Variants in NFATC1 observed in about 807,000 individuals in gnomAD.
The protein encoded by NFATC1 is nuclear factor of activated T cells 1.
In NFATC1, 22 loss-of-function variants were observed where a neutral mutation model predicts 76.0. That is an observed-to-expected ratio of 0.29 (90% CI 0.21 to 0.41). The LOEUF is 0.41. NFATC1 is among the 10% of genes least tolerant of loss of function. The pLI, the probability that NFATC1 is intolerant of heterozygous loss-of-function variation, is 1.00. For missense variants in NFATC1, 1,357 were observed against 1,337.7 expected (o/e 1.01, Z -0.23); for synonymous variants, 704 against 613.1 (o/e 1.15, Z -2.19).
chr18:79,459,329 G>A lies in NFATC1; in HGVS notation c.1904-1982G>A, dbSNP rs377452421. On this transcript the variant is annotated intron_variant, in intron 6 of 9. Transcript: ENST00000427363. Reference sequence around the variant, plus strand: ...GGGTGGGAAAAGACGCCTCCATGCCGTCGTTCCATTTGCTTTTCATGGACT... The same window carrying A: ...GGGTGGGAAAAGACGCCTCCATGCCATCGTTCCATTTGCTTTTCATGGACT... Among the ~76,000 whole-genome samples the A allele has an allele frequency of 4.6e-4, 70 of 152,334 alleles. 1 individual carries two copies. In the East Asian group the frequency reaches 0.012, roughly 27 times the overall value.
chr18:79,404,275 C>T (rs576412322), intron 1 of NFATC1, among the ~76,000 whole-genome samples: 18 of 152,276 alleles, frequency 1.2e-4, no homozygotes, highest in African/African-American at 3.6e-4. Flanking sequence ...CATTAAATAC[C>T]GTTTGTTTGC....
At chr18:79,498,539 T>C (rs2089948841) in intron 9 of NFATC1, among the ~76,000 whole-genome samples, 1 of 152,182 alleles carries the variant, frequency 6.6e-6, no homozygotes, top group South Asian at 2.1e-4. Flanking sequence ...CCTCAGAGCA[T>C]GTGAGATGCT....
intron 8 of NFATC1, among the ~76,000 whole-genome samples, chr18:79,479,209 T>C (rs2089187337): frequency 1.3e-5 from 2 of 152,268 alleles, no homozygotes; most frequent in Non-Finnish European, 2.9e-5. Context: ...AGCTGCCCTT[T>C]TTCTGAGCCC....
intron 3 of NFATC1, among the ~76,000 whole-genome samples, chr18:79,445,569 A>G (rs1181100890): frequency 6.6e-6 from 1 of 152,214 alleles, no homozygotes. Context: ...CAGCGTGGCA[A>G]TCTCTCAAAT....
In NFATC1 at chr18:79,486,787, C is replaced by T; in HGVS notation, c.2632C>T (p.Leu878=). The T allele has an allele frequency of 6.2e-7, 1 of 1,609,534 alleles. No homozygotes were observed. Among genetic ancestry groups the T allele is most frequent in the Non-Finnish European group, 8.5e-7 (1 of 1,178,438 alleles). ...CPPATGRPQH[L]PSTVRRDESP... ...GCCCGCCACGGGCCGCCCGCAGCAC[C>T]TGCCGTCCACGGTCCGCAGGGACGA... The change falls in exon 9 of 10, where the codon CTG becomes TTG. Residue 878 remains leucine (L), a synonymous_variant. Transcript: ENST00000427363.
intron 8 of NFATC1, 83 bp from the exon 9 acceptor site, chr18:79,486,165 C>T (rs922676574): frequency 2.2e-5 from 29 of 1,321,828 alleles, no homozygotes; most frequent in Admixed American, 6.0e-5. Flanking sequence ...GTTGGTTTTG[C>T]GGAGGGTGCC....
rs375837578 is a variant in NFATC1, at chr18:79,410,047, G to A, written c.128-356G>A. 6.2e-5 allele frequency: 38 copies of A among 614,166 alleles called. No individual in the cohort carries two copies. The highest frequency in any genetic ancestry group is 5.5e-4 in the Middle Eastern group (2 of 3,668). 38.0% of individuals were successfully genotyped at this position (614,166 alleles called of 1,614,324 possible). A position where few individuals can be genotyped will look rare whatever the true frequency, so the allele number is the denominator to read the frequency against. On this transcript the variant is annotated intron_variant, in intron 1 of 9. Transcript: ENST00000427363. The surrounding 1 kb of genome is among the most constrained non-coding windows in gnomAD (Gnocchi z 6.7). ...CCAGTCGCCTCTCTCTGGGAAGGAC[G>A]TTCGGATGAAGATGGGGTGGTTGGG...
At position 79,411,126 on chromosome 18, in the gene NFATC1, C is replaced by T. The variant is rs776714980; in HGVS notation, c.851C>T (p.Thr284Met). ...QPPYSPHHSPTPSPHGSPRVS... is the reference protein window; with the variant it reads ...QPPYSPHHSPMPSPHGSPRVS... The stretch of plus-strand genomic sequence containing the variant: ...CCCTACTCACCCCACCACTCGCCCA[C>T]GCCGTCCCCGCACGGCTCCCCGCGG... Residue 284 changes from threonine (T) to methionine (M), a missense_variant, in exon 2 of 10, where the codon ACG becomes ATG. Transcript: ENST00000427363. 4.6e-5 allele frequency: 74 copies of T among 1,612,186 alleles called. No individual in the cohort carries two copies. Among genetic ancestry groups the T allele is most frequent in the Non-Finnish European group, 5.6e-5 (66 of 1,179,740 alleles).
Position 79,437,165 on chromosome 18 carries a change from C to T in NFATC1, c.1386+3427C>T, listed in dbSNP as rs116011883. Among the ~76,000 whole-genome samples, 676 of 152,292 alleles carry T rather than the reference C, an allele frequency of 4.4e-3. 5 individuals are homozygous for T. Among genetic ancestry groups the T allele is most frequent in the African/African-American group, 0.015 (642 of 41,562 alleles). On this transcript the variant is annotated intron_variant, in intron 3 of 9. Transcript: ENST00000427363. ...GGGACCTCGGCCATGGTGATGGGTG[C>T]GCCCCCTCTGCAGGGTGGGGCCTGC... is the stretch of plus-strand genomic sequence containing the variant.
intron 9 of NFATC1, among the ~76,000 whole-genome samples, chr18:79,505,815 C>G (rs1222169863): frequency 1.2e-4 from 12 of 103,192 alleles, no homozygotes; most frequent in South Asian, 3.3e-4. Flanking sequence ...GGAGGTGGTG[C>G]TGGAGGCCCT....
chr18:79,437,774 G>T (rs952657170), intron 3 of NFATC1, among the ~76,000 whole-genome samples: 2 of 152,234 alleles, frequency 1.3e-5, no homozygotes, highest in African/African-American at 4.8e-5. Flanking sequence ...GGCCTGCTCT[G>T]CTCTCAACGG....
At chr18:79,400,778 C>G (rs1379982748) in intron 1 of NFATC1, among the ~76,000 whole-genome samples, 2 of 136,024 alleles carry the variant, frequency 1.5e-5, no homozygotes, top group Non-Finnish European at 3.1e-5. Context: ...CCAGCTCCCC[C>G]AGACACCCTC....
intron 1 of NFATC1, among the ~76,000 whole-genome samples, chr18:79,401,217 C>A (rs773449540): frequency 1.3e-5 from 2 of 151,462 alleles, no homozygotes; most frequent in East Asian, 4.0e-4. Context: ...TGGTCACCGT[C>A]CGCCCCTGTC....
chr18:79,492,344 C>G (rs1446034768), intron 9 of NFATC1, among the ~76,000 whole-genome samples: 1 of 152,160 alleles, frequency 6.6e-6, no homozygotes, highest in East Asian at 1.9e-4. Flanking sequence ...GGGTGGATCA[C>G]CTGAGGTCAG....
In NFATC1 at chr18:79,524,770, C is replaced by T. The variant is rs1398929100; in HGVS notation, c.2783-2758C>T. 6.6e-6 allele frequency among the ~76,000 whole-genome samples: 1 copy of T among 152,020 alleles called. No homozygotes were observed. The highest frequency in any genetic ancestry group is 1.5e-5 in the Non-Finnish European group (1 of 67,968). On this transcript the variant is annotated intron_variant, in intron 9 of 9. Transcript: ENST00000427363. This position sits in a 1 kb window ranked among gnomAD's most constrained non-coding sequence, Gnocchi z 7.2. ...GGGACACACCGAGGAACTTTCCGCC[C>T]CCCGACGGGCTCTCCCACCGAGGCT...
chr18:79,485,208 C>T (rs566980580), intron 8 of NFATC1, among the ~76,000 whole-genome samples: 2 of 152,342 alleles, frequency 1.3e-5, no homozygotes, highest in East Asian at 3.9e-4. Context: ...CACCAGTGTG[C>T]AGCCCACGGG....
At chr18:79,487,686 C>G (rs370989) in intron 9 of NFATC1, among the ~76,000 whole-genome samples, 92,749 of 152,172 alleles carry the variant, frequency 0.61, 28,333 homozygotes, top group Middle Eastern at 0.67. Context: ...TTCTTCTCGA[C>G]TGTTTACACT....
chr18:79,424,024 C>G (rs995158641), intron 2 of NFATC1, among the ~76,000 whole-genome samples: 7 of 152,222 alleles, frequency 4.6e-5, no homozygotes, highest in African/African-American at 1.7e-4. Flanking sequence ...CCGAGCCCTC[C>G]CTCCACTCCC....
chr18:79,402,033 TG>T (rs1449150304), intron 1 of NFATC1, among the ~76,000 whole-genome samples: 2 of 152,156 alleles, frequency 1.3e-5, no homozygotes, highest in Non-Finnish European at 2.9e-5. Context: ...GCCTCCAGGG[TG>T]GGCTGTGCCA....
Sources: gnomAD v4.1 joint callset for allele counts (sites outside exome capture counted in the v4.1 genomes callset) on GRCh38, gnomAD v4.1.1 for gene constraint, Gnocchi (gnomAD v3.1) non-coding constraint, MANE v1.5 for transcripts, NCBI Gene and HGNC (gene_info 2026-07-23, HGNC 2026-07-21) for gene names.